HPSE2: variants seen among roughly 807,000 people sequenced by gnomAD.
The protein encoded by HPSE2 is heparanase 2 (inactive), also known as inactive heparanase-2.
Under a neutral mutation model 60.5 loss-of-function variants are expected in HPSE2, and 38 were observed. That is an observed-to-expected ratio of 0.63 (90% CI 0.48 to 0.82). The LOEUF (loss-of-function observed/expected upper bound fraction) is 0.82, where lower values mean the gene tolerates loss of function less well. Among genes scored for constraint, HPSE2 ranks in the 40% least tolerant of loss-of-function variants. HPSE2 has a pLI of 0.00. For synonymous variants in HPSE2, 295 were observed against 293.2 expected, an observed-to-expected ratio of 1.01 and a Z score of -0.06; for missense variants, 713 against 740.4, an observed-to-expected ratio of 0.96 and a Z score of 0.43.
intron 9 of HPSE2, among the ~76,000 whole-genome samples, chr10:98,492,516 A>AC (rs1460338243): frequency 4.6e-5 from 7 of 151,636 alleles, no homozygotes; most frequent in African/African-American, 1.7e-4. Context: ...AAGACAAAAA[A>AC]AAAAAAAAAA....
intron 3 of HPSE2, among the ~76,000 whole-genome samples, chr10:98,829,699 C>T (rs1951637413): frequency 6.6e-6 from 1 of 152,038 alleles, no homozygotes; most frequent in African/African-American, 2.4e-5. Flanking sequence ...CCCCCCAAAA[C>T]AAAAACAAAC....
chr10:99,162,131 T>C (rs529543620), intron 2 of HPSE2, among the ~76,000 whole-genome samples: 2 of 152,316 alleles, frequency 1.3e-5, no homozygotes, highest in East Asian at 3.9e-4. Context: ...CAACTATCAA[T>C]GTACTTAATA....
chr10:99,040,253 T>C (rs189415474), intron 3 of HPSE2, among the ~76,000 whole-genome samples: 3 of 152,324 alleles, frequency 2.0e-5, no homozygotes, highest in East Asian at 1.9e-4. Flanking sequence ...TGAATGGATA[T>C]ACCAAAATTT....
intron 11 of HPSE2, among the ~76,000 whole-genome samples, chr10:98,466,668 T>C (rs1226663115): frequency 5.9e-5 from 9 of 152,014 alleles, no homozygotes; most frequent in Non-Finnish European, 1.5e-5. Flanking sequence ...TTCAGAACAT[T>C]TGCCTTCTCT....
chr10:99,196,692 C>T (rs1168000035), intron 2 of HPSE2, among the ~76,000 whole-genome samples: 4 of 152,088 alleles, frequency 2.6e-5, no homozygotes, highest in African/African-American at 9.7e-5. Flanking sequence ...AAATGGCTTA[C>T]ATCCAAAAGA....
intron 3 of HPSE2, among the ~76,000 whole-genome samples, chr10:98,778,972 T>C (rs1474943139): frequency 6.6e-6 from 1 of 152,190 alleles, no homozygotes; most frequent in Non-Finnish European, 1.5e-5. Flanking sequence ...TCACTGATGA[T>C]ATAAAAGAAA....
intron 3 of HPSE2, among the ~76,000 whole-genome samples, chr10:99,130,995 G>A (rs956484924): frequency 6.6e-6 from 1 of 152,132 alleles, no homozygotes; most frequent in Non-Finnish European, 1.5e-5. Context: ...AAGGAAAAGG[G>A]AGAGTCTAAA....
chr10:98,988,361 C>T (rs1350573952), intron 3 of HPSE2, among the ~76,000 whole-genome samples: 5 of 152,306 alleles, frequency 3.3e-5, no homozygotes, highest in African/African-American at 1.2e-4. Flanking sequence ...GCTATCTGAT[C>T]TTTGACAAAC....
chr10:98,916,942 A>G (rs1954135642), intron 3 of HPSE2, among the ~76,000 whole-genome samples: 1 of 152,108 alleles, frequency 6.6e-6, no homozygotes, highest in African/African-American at 2.4e-5. Context: ...CATGCCTCCT[A>G]CTGGGAGGAA....
intron 2 of HPSE2, among the ~76,000 whole-genome samples, chr10:99,171,324 A>T (rs973732327): frequency 1.3e-5 from 2 of 152,236 alleles, no homozygotes; most frequent in African/African-American, 4.8e-5. Flanking sequence ...AACTAAAGTT[A>T]TTCTAACTCT....
intron 2 of HPSE2, among the ~76,000 whole-genome samples, chr10:99,212,633 G>A (rs1428035974): frequency 6.6e-6 from 1 of 152,136 alleles, no homozygotes; most frequent in African/African-American, 2.4e-5. Context: ...GGTGGTTATT[G>A]TGGGGCAGAG....
chr10:99,266,674 T>C, the HPSE2 span, among the ~76,000 whole-genome samples: 2 of 152,202 alleles, frequency 1.3e-5, no homozygotes, highest in Non-Finnish European at 2.9e-5. Flanking sequence ...CACCATCTCC[T>C]GGCAGGAAGC....
rs1323276636 is a variant in HPSE2 at position 98,743,902 on chromosome 10, A to C, written c.765T>G (p.Ile255Met). The change falls in exon 4 of 12, where the codon ATT (isoleucine) becomes ATG (methionine). Residue 255 changes from isoleucine (I) to methionine (M), a missense_variant. Ile to Met is a conservative substitution (Grantham distance 10, BLOSUM62 1). Transcript: ENST00000370552. ...LKYSASKKYN[I>M]SWELGNEPNN... ...ACTTACCATTACCCAGTTCCCAAGA[A>C]ATGTTGTACTTTTTGCTGGCGCTGT... is the stretch of plus-strand genomic sequence containing the variant. The C allele has an allele frequency of 1.4e-5, 23 of 1,613,876 alleles. No homozygotes were observed. Among genetic ancestry groups the C allele is most frequent in the Non-Finnish European group, 1.9e-5 (22 of 1,179,882 alleles).
chr10:98,863,684 A>G (rs1027451345), intron 3 of HPSE2, among the ~76,000 whole-genome samples: 3 of 152,176 alleles, frequency 2.0e-5, no homozygotes, highest in East Asian at 1.9e-4. Context: ...TATTCCTTCA[A>G]TGACTGGCCT....
chr10:98,713,851 TTCTCCTTTACC>T (rs1249752033), intron 5 of HPSE2, among the ~76,000 whole-genome samples: 1 of 152,038 alleles, frequency 6.6e-6, no homozygotes, highest in East Asian at 1.9e-4. Context: ...ACTGGGTCCC[TTCTCCTTTACC>T]TCTCCATTTA....
chr10:98,689,852 G>C (rs527863), intron 6 of HPSE2, among the ~76,000 whole-genome samples: 49,195 of 152,092 alleles, frequency 0.32, 8,412 homozygotes, highest in Admixed American at 0.4. Context: ...TCTTGAGACA[G>C]ACTTTACACC....
chr10:98,482,888 G>T, intron 10 of HPSE2, 106 bp from the exon 11 acceptor site: 1 of 1,284,150 alleles, frequency 7.8e-7, no homozygotes, highest in Non-Finnish European at 1.1e-6. Flanking sequence ...CCTGAAAATG[G>T]CACTTAAAAA....
chr10:99,213,901 C>T (rs549894636), intron 2 of HPSE2, among the ~76,000 whole-genome samples: 40 of 152,088 alleles, frequency 2.6e-4, no homozygotes, highest in African/African-American at 9.2e-4. Context: ...AAACGACATG[C>T]TCAAGGAAGT....
chr10:98,865,475 T>C (rs542850465), intron 3 of HPSE2, among the ~76,000 whole-genome samples: 1 of 152,170 alleles, frequency 6.6e-6, no homozygotes, highest in Non-Finnish European at 1.5e-5. Context: ...GTTTTCTGCA[T>C]TGAGAGAGTT....
Sources: gnomAD v4.1 joint callset for allele counts (sites outside exome capture counted in the v4.1 genomes callset) on GRCh38, gnomAD v4.1.1 for gene constraint, MANE v1.5 for transcripts, NCBI Gene and HGNC (gene_info 2026-07-23, HGNC 2026-07-21) for gene names.